TRIP4: variants seen among roughly 807,000 people sequenced by gnomAD.
The protein encoded by TRIP4 is thyroid hormone receptor interactor 4.
In TRIP4, 54 loss-of-function variants were observed where a neutral mutation model predicts 81.8. The ratio of observed to expected loss-of-function variants is 0.66; its 90% CI spans 0.53 to 0.83. The LOEUF is 0.83. Among genes scored for constraint, TRIP4 ranks in the 40% least tolerant of loss-of-function variants. The pLI, the probability that TRIP4 is intolerant of heterozygous loss-of-function variation, is 0.00. For missense variants in TRIP4, 662 were observed against 683.6 expected (o/e 0.97, Z 0.35); for synonymous variants, 270 against 242.8 (o/e 1.11, Z -1.04).
At chr15:64,436,964 C>G (rs1331916351) in intron 11 of TRIP4, among the ~76,000 whole-genome samples, 2 of 151,376 alleles carry the variant, frequency 1.3e-5, no homozygotes, top group African/African-American at 2.4e-5. Flanking sequence ...GCCTCAGCCT[C>G]CCAGAGTGCT....
Position 64,443,218 on chromosome 15 carries a change from A to G in TRIP4, c.1576-1788A>G, listed in dbSNP as rs1416059074. On this transcript the variant is annotated intron_variant, in intron 11 of 12. Coordinates refer to ENST00000261884, the MANE Select transcript of TRIP4 (RefSeq NM_016213.5). Reference sequence around the variant, plus strand: ...CTGAGAAATGAGTAGTAGCTGGAGGAGGATGTGGGATCTGGATAAGAGATT... The same window carrying G: ...CTGAGAAATGAGTAGTAGCTGGAGGGGGATGTGGGATCTGGATAAGAGATT... Among the ~76,000 whole-genome samples, 3 of 152,162 alleles carry G rather than the reference A, an allele frequency of 2.0e-5. No individual in the cohort carries two copies. The South Asian group carries it at 6.2e-4, about 31-fold the overall frequency.
At chr15:64,436,255 A>G (rs1892394052) in intron 11 of TRIP4, among the ~76,000 whole-genome samples, 1 of 150,830 alleles carries the variant, frequency 6.6e-6, no homozygotes, top group Admixed American at 6.6e-5. Flanking sequence ...AGATCGTACT[A>G]TTGCACTCCA....
intron 9 of TRIP4, among the ~76,000 whole-genome samples, chr15:64,423,106 T>C (rs955750926): frequency 1.3e-5 from 2 of 152,202 alleles, no homozygotes; most frequent in African/African-American, 2.4e-5. Context: ...TTATTCTCTT[T>C]AGAGGTTTTT....
intron 11 of TRIP4, among the ~76,000 whole-genome samples, chr15:64,434,958 G>A (rs774389501): frequency 3.9e-5 from 6 of 152,014 alleles, no homozygotes; most frequent in African/African-American, 7.2e-5. Flanking sequence ...GCTCACGCCT[G>A]TAATCCCAGC....
rs540399832 is a variant in TRIP4 at position 64,390,612 on chromosome 15, C to T, written c.101+2648C>T. On this transcript the variant is annotated intron_variant, in intron 1 of 12. Coordinates refer to ENST00000261884, the MANE Select transcript of TRIP4 (RefSeq NM_016213.5). Reference sequence around the variant, plus strand: ...GTATCAAGAAAATGCGTTCTCAGGCCAGGCGTGGTGGCTCACGCCTGTAAT... The same window carrying T: ...GTATCAAGAAAATGCGTTCTCAGGCTAGGCGTGGTGGCTCACGCCTGTAAT... 2.0e-5 allele frequency among the ~76,000 whole-genome samples: 3 copies of T among 152,082 alleles called. No homozygotes were observed. The East Asian group carries it at 5.8e-4, about 29-fold the overall frequency.
At chr15:64,406,586 T>A in intron 6 of TRIP4, 127 bp downstream of exon 6, 1 of 1,161,860 alleles carries the variant, frequency 8.6e-7, no homozygotes. Context: ...AAGAGCCAGA[T>A]GCTCTACATA....
chr15:64,408,987 G>T (rs1425235733), intron 6 of TRIP4, among the ~76,000 whole-genome samples: 1 of 152,006 alleles, frequency 6.6e-6, no homozygotes, highest in Non-Finnish European at 1.5e-5. Flanking sequence ...GGCCAAGGTG[G>T]GTGGATCACG....
chr15:64,433,848 A>T (rs76764421), intron 11 of TRIP4, among the ~76,000 whole-genome samples: 45 of 152,334 alleles, frequency 3.0e-4, no homozygotes, highest in African/African-American at 1.1e-3. Context: ...CATGTGGTCC[A>T]GGACGGCTTT....
intron 1 of TRIP4, among the ~76,000 whole-genome samples, chr15:64,391,473 A>T (rs1566970577): frequency 6.6e-6 from 1 of 151,952 alleles, no homozygotes; most frequent in African/African-American, 2.4e-5. Flanking sequence ...CTAATTAGTG[A>T]TACATTTATA....
At chr15:64,448,901 A>C (rs1410537428) in intron 12 of TRIP4, among the ~76,000 whole-genome samples, 2 of 152,162 alleles carry the variant, frequency 1.3e-5, no homozygotes, top group East Asian at 3.8e-4. Context: ...GAAGTGATTA[A>C]GTTTAATAGC....
At chr15:64,402,646 C>G (rs1891537252) in intron 5 of TRIP4, among the ~76,000 whole-genome samples, 1 of 151,696 alleles carries the variant, frequency 6.6e-6, no homozygotes, top group South Asian at 2.1e-4. Context: ...GCTTCAGCCT[C>G]TCAAGTAGCT....
chr15:64,425,159 GT>G (rs892757330), intron 10 of TRIP4, among the ~76,000 whole-genome samples: 35 of 149,596 alleles, frequency 2.3e-4, no homozygotes, highest in African/African-American at 6.6e-4. Flanking sequence ...ACATTTTGAT[GT>G]TTTTTTTTTC....
Position 64,395,596 on chromosome 15 carries a change from A to C in TRIP4, c.405+65A>C, listed in dbSNP as rs1900268568. The C allele has an allele frequency of 2.0e-6, 3 of 1,526,516 alleles. No homozygotes were observed. The South Asian group carries it at 3.8e-5, about 20-fold the overall frequency. The allele number at this position is 1,526,516 out of a possible 1,614,324, so 94.6% of individuals were successfully genotyped here. A position where few individuals can be genotyped will look rare whatever the true frequency, so the allele number is the denominator to read the frequency against. On this transcript the variant is annotated intron_variant, in intron 3 of 12. Coordinates refer to ENST00000261884, the MANE Select transcript of TRIP4 (RefSeq NM_016213.5). ...GAAGAGGAAGTGACTAATACATTTC[A>C]GAGAGCAAAGTGTACAAATTGGTCT...
intron 10 of TRIP4, 108 bp downstream of exon 10, chr15:64,424,263 CTT>C: frequency 6.8e-7 from 1 of 1,463,750 alleles, no homozygotes; most frequent in Admixed American, 2.1e-5. Flanking sequence ...TTAAAAGAGA[CTT>C]TTAATCTTTG....
At chr15:64,388,458 C>T (rs1596331562) in intron 1 of TRIP4, among the ~76,000 whole-genome samples, 1 of 152,164 alleles carries the variant, frequency 6.6e-6, no homozygotes, top group East Asian at 1.9e-4. Flanking sequence ...AGGCACGCAC[C>T]ACCACACCCG....
At chr15:64,442,936 A>C (rs1018195892) in intron 11 of TRIP4, among the ~76,000 whole-genome samples, 1 of 151,552 alleles carries the variant, frequency 6.6e-6, no homozygotes, top group African/African-American at 2.4e-5. Flanking sequence ...GGTTGCAGTG[A>C]GCCGAGATCA....
chr15:64,442,095 C>T (rs1339406015), intron 11 of TRIP4, among the ~76,000 whole-genome samples: 1 of 151,694 alleles, frequency 6.6e-6, no homozygotes, highest in Admixed American at 6.6e-5. Context: ...GCCAGATTGT[C>T]TATGGACTTG....
At chr15:64,409,532 G>A (rs146038144) in intron 6 of TRIP4, 81 bp from the exon 7 acceptor site, 1 of 1,349,688 alleles carries the variant, frequency 7.4e-7, no homozygotes, top group Non-Finnish European at 1.0e-6. Flanking sequence ...GAGATATTAA[G>A]TTACCTTGAA....
chr15:64,421,194 A>G (rs1892003401), intron 9 of TRIP4, among the ~76,000 whole-genome samples: 1 of 150,978 alleles, frequency 6.6e-6, no homozygotes, highest in African/African-American at 2.4e-5. Context: ...AGGCAGGAGA[A>G]TTTCTTGAAC....
Sources: allele counts gnomAD v4.1 joint callset (sites outside exome capture counted in the v4.1 genomes callset), GRCh38; gene constraint gnomAD v4.1.1; transcripts MANE v1.5; gene names NCBI Gene and HGNC (gene_info 2026-07-23, HGNC 2026-07-21).